The following TBX6 variants were observed in gnomAD, a reference collection of about 807,000 sequenced individuals.
The protein encoded by TBX6 is T-box transcription factor 6.
A neutral mutation model predicts 42.3 loss-of-function variants in TBX6; 29 were observed. The observed-to-expected ratio is 0.69, with a 90% CI of 0.51 to 0.93. TBX6 has a LOEUF of 0.93. Ranked by LOEUF, TBX6 falls within the 40% of genes least tolerant of loss-of-function variation. The pLI, the probability that TBX6 is intolerant of heterozygous loss-of-function variation, is 0.00. For synonymous variants in TBX6, 249 were observed against 245.1 expected, an observed-to-expected ratio of 1.02 and a Z score of -0.15; for missense variants, 569 against 603.3, an observed-to-expected ratio of 0.94 and a Z score of 0.59.
At chr16:30,089,802 T>C (rs547744651) in intron 3 of TBX6, among the ~76,000 whole-genome samples, 8 of 151,714 alleles carry the variant, frequency 5.3e-5, no homozygotes, top group Admixed American at 6.6e-5. Context: ...TGGTGGTGTG[T>C]GCCTATAGTC....
chr16:30,086,376 A>C lies in TBX6; in HGVS notation c.1160T>G (p.Leu387Arg). 1 of 1,575,968 alleles carries C rather than the reference A, an allele frequency of 6.3e-7. No individual in the cohort carries two copies. Among genetic ancestry groups the C allele is most frequent in the South Asian group, 1.2e-5 (1 of 85,716 alleles). Residue 387 changes from leucine (L) to arginine (R), a missense_variant, in exon 9 of 9, where the codon CTG becomes CGG. Physicochemically the swap from Leu to Arg is moderately radical, Grantham distance 102. Around this residue, in one of 3 missense-constraint regions of TBX6, gnomAD observed 245 missense variants for 227.4 expected, o/e 1.08. Coordinates refer to ENST00000395224, the MANE Select transcript of TBX6 (RefSeq NM_004608.4). This position sits in a 1 kb window ranked among gnomAD's most constrained non-coding sequence, Gnocchi z 4.6. ...GCCCCCTGACCCGTGCGGCAGCTCC[A>C]GAAATGCAGCCGAGTAGGGGGCTGA... ...GRSAPYSAAF[L>R]ELPHGSGGSG...
chr16:30,086,067 G>C lies in TBX6; in HGVS notation c.*158C>G. ...GGTTAGGCTTTGAAGCCAGAGGGGG[G>C]TGGGAGTGAAATCAAGGTGTGAAGT... On this transcript the variant is annotated 3_prime_UTR_variant, in exon 9 of 9. Transcript: ENST00000395224. The surrounding 1 kb of genome is among the most constrained non-coding windows in gnomAD (Gnocchi z 4.6). The C allele has an allele frequency of 7.4e-6, 5 of 679,414 alleles. No individual in the cohort carries two copies. Among genetic ancestry groups the C allele is most frequent in the Non-Finnish European group, 1.2e-5 (5 of 411,688 alleles). The allele number at this position is 679,414 out of a possible 1,614,324, so 42.1% of individuals were successfully genotyped here.
chr16:30,089,870 C>T (rs147510745), intron 3 of TBX6, among the ~76,000 whole-genome samples: 1,370 of 135,586 alleles, frequency 0.01, 11 homozygotes, highest in Non-Finnish European at 0.016. Context: ...GCAGAGGTTG[C>T]GGTGAGCTGA....
chr16:30,088,856 G>A lies in TBX6; in HGVS notation c.622-17C>T, dbSNP rs1596852339. On this transcript the variant is annotated splice_polypyrimidine_tract_variant and intron_variant, in intron 4 of 8. Transcript: ENST00000395224. This position sits in a 1 kb window ranked among gnomAD's most constrained non-coding sequence, Gnocchi z 4.1. ...CAGGATCAGCTGGGAGGGAGGAAATGGGAGTGATTCCCTGCCCTGCGCCTC... is the reference window on the plus strand; with the variant it reads ...CAGGATCAGCTGGGAGGGAGGAAATAGGAGTGATTCCCTGCCCTGCGCCTC... 1.9e-6 allele frequency: 3 copies of A among 1,612,464 alleles called. No individual in the cohort carries two copies. The highest frequency in any genetic ancestry group is 1.7e-6 in the Non-Finnish European group (2 of 1,178,678).
chr16:30,091,473 C>A, intron 1 of TBX6: 1 of 361,790 alleles, frequency 2.8e-6, no homozygotes, highest in Non-Finnish European at 5.0e-6. Flanking sequence ...ATTAACTCCT[C>A]GGCTTGATTG....
chr16:30,090,376 C>T (rs1596854634), intron 3 of TBX6, among the ~76,000 whole-genome samples: 1 of 152,220 alleles, frequency 6.6e-6, no homozygotes, highest in Non-Finnish European at 1.5e-5. Context: ...CATACTGATC[C>T]CGAATCCTGG....
In TBX6 at chr16:30,086,236, G is replaced by T. The variant is rs1200121314; in HGVS notation, c.1300C>A (p.Pro434Thr). 1 of 1,611,830 alleles carries T rather than the reference G, an allele frequency of 6.2e-7. No individual in the cohort carries two copies. The highest frequency in any genetic ancestry group is 8.5e-7 in the Non-Finnish European group (1 of 1,179,670). ...GGCCCAGCAGTGGTTCAGTACATGG[G>T]TTTGGAGCCCACATCCAGATAGCCC... ...PGGYLDVGSK[P>T]MY is the part of the protein sequence containing the mutation. The change falls in exon 9 of 9, where the codon CCC becomes ACC. Residue 434 changes from proline to threonine, a missense_variant. Pro to Thr is a conservative substitution (Grantham distance 38). Coordinates refer to ENST00000395224, the MANE Select transcript of TBX6 (RefSeq NM_004608.4). This position sits in a 1 kb window ranked among gnomAD's most constrained non-coding sequence, Gnocchi z 4.6.
chr16:30,088,452 T>C lies in TBX6; in HGVS notation c.839+93A>G. The C allele has an allele frequency of 3.9e-6, 6 of 1,544,870 alleles. No individual in the cohort carries two copies. The highest frequency in any genetic ancestry group is 5.4e-6 in the Non-Finnish European group (6 of 1,118,994). ...GTGAATGAATGTTTTCACTTACCAC[T>C]GCATTTCTGATGTCCAGCACGGTGC... On this transcript the variant is annotated intron_variant, in intron 6 of 8. Coordinates refer to ENST00000395224, the MANE Select transcript of TBX6 (RefSeq NM_004608.4). The surrounding 1 kb of genome is among the most constrained non-coding windows in gnomAD (Gnocchi z 4.1).
chr16:30,087,035 C>A (rs1567340530), intron 6 of TBX6, among the ~76,000 whole-genome samples, 184 bp from the exon 7 acceptor site: 1 of 152,108 alleles, frequency 6.6e-6, no homozygotes, highest in Non-Finnish European at 1.5e-5. Flanking sequence ...AGTGGCAGAG[C>A]TGGAATTTTG....
In TBX6 at chr16:30,086,105, T is replaced by TGGGC; in HGVS notation, c.*116_*119dup. The TGGGC allele has an allele frequency of 2.5e-6, 2 of 788,966 alleles. No homozygotes were observed. Among genetic ancestry groups the TGGGC allele is most frequent in the African/African-American group, 5.2e-5 (1 of 19,126 alleles). The allele number at this position is 788,966 out of a possible 1,614,324, so 48.9% of individuals were successfully genotyped here. On this transcript the variant is annotated 3_prime_UTR_variant, in exon 9 of 9. Transcript: ENST00000395224. The surrounding 1 kb of genome is among the most constrained non-coding windows in gnomAD (Gnocchi z 4.6). ...CAAGGTGTGAAGTTGAGGGGGTGGGTGGGCAGGCCCAAGGCGGCCATTTGG... is the reference window on the plus strand; with the variant it reads ...CAAGGTGTGAAGTTGAGGGGGTGGGTGGGCGGGCAGGCCCAAGGCGGCCATTTGG...
In TBX6 at chr16:30,086,214, C is replaced by A; in HGVS notation, c.*11G>T. ...AGGTTTGTGATGGAGGCAGAGGGGC[C>A]CAGCAGTGGTTCAGTACATGGGTTT... On this transcript the variant is annotated 3_prime_UTR_variant, in exon 9 of 9. Transcript: ENST00000395224. This position sits in a 1 kb window ranked among gnomAD's most constrained non-coding sequence, Gnocchi z 4.6. The A allele has an allele frequency of 6.2e-7, 1 of 1,610,024 alleles. No individual in the cohort carries two copies. The highest frequency in any genetic ancestry group is 8.5e-7 in the Non-Finnish European group (1 of 1,179,008).
At position 30,090,830 on chromosome 16, in the gene TBX6, C is replaced by T. The variant is rs1306330553; in HGVS notation, c.281G>A (p.Ser94Asn). The T allele has an allele frequency of 6.2e-7, 1 of 1,604,282 alleles. No homozygotes were observed. Among genetic ancestry groups the T allele is most frequent in the Admixed American group, 1.7e-5 (1 of 58,800 alleles). Residue 94 changes from serine (S) to asparagine (N), a missense_variant, in exon 3 of 9, where the codon AGC (serine) becomes AAC (asparagine). Around this residue, in one of 3 missense-constraint regions of TBX6, gnomAD observed 134 missense variants for 125.3 expected, o/e 1.07. Transcript: ENST00000395224. ...CTTCCATAGCTCCCGGTTCTCCAGG[C>T]TCAGGCTGACCCCCGGGAGGGAATG... ...ALHSLPGVSL[S>N]LENRELWKEF...
intron 3 of TBX6, 89 bp downstream of exon 3, chr16:30,090,669 G>C (rs752198930): frequency 3.0e-6 from 4 of 1,353,268 alleles, no homozygotes; most frequent in Non-Finnish European, 4.0e-6. Context: ...TAGCCCCTCG[G>C]GAACCACCCA....
chr16:30,086,781 C>A lies in TBX6; in HGVS notation c.910G>T (p.Gly304Ter). 6.2e-7 allele frequency: 1 copy of A among 1,613,994 alleles called. No homozygotes were observed. The highest frequency in any genetic ancestry group is 8.5e-7 in the Non-Finnish European group (1 of 1,179,964). Residue 304 changes from glycine to a stop codon, truncating the protein, a stop_gained, in exon 7 of 9, where the codon GGA becomes TGA. Transcript: ENST00000395224. LOFTEE classifies it high-confidence loss of function. This position sits in a 1 kb window ranked among gnomAD's most constrained non-coding sequence, Gnocchi z 4.6. ...EPAATEAYGS[G>*]DTPGGPCDST... ...TCGCCATCGGGACTACACTCACCTC[C>A]GCTCCCATAGGCCTCTGTGGCTGCT... is the stretch of plus-strand genomic sequence containing the variant.
chr16:30,088,464 G>A lies in TBX6; in HGVS notation c.839+81C>T, dbSNP rs778686111. On this transcript the variant is annotated intron_variant, in intron 6 of 8. Transcript: ENST00000395224. This position sits in a 1 kb window ranked among gnomAD's most constrained non-coding sequence, Gnocchi z 4.1. Reference sequence around the variant, plus strand: ...TTTCACTTACCACTGCATTTCTGATGTCCAGCACGGTGCCTGGCACACAGT... The same window carrying A: ...TTTCACTTACCACTGCATTTCTGATATCCAGCACGGTGCCTGGCACACAGT... The A allele has an allele frequency of 6.3e-7, 1 of 1,581,952 alleles. No individual in the cohort carries two copies. The highest frequency in any genetic ancestry group is 1.3e-5 in the African/African-American group (1 of 74,226).
chr16:30,088,398 C>T lies in TBX6; in HGVS notation c.839+147G>A. The T allele has an allele frequency of 8.9e-7, 1 of 1,121,634 alleles. No individual in the cohort carries two copies. Among genetic ancestry groups the T allele is most frequent in the South Asian group, 1.3e-5 (1 of 74,474 alleles). The allele number at this position is 1,121,634 out of a possible 1,614,324, so 69.5% of individuals were successfully genotyped here. On this transcript the variant is annotated intron_variant, in intron 6 of 8. Transcript: ENST00000395224. The surrounding 1 kb of genome is among the most constrained non-coding windows in gnomAD (Gnocchi z 4.1). ...GCCTGGAACTGTCCCTGGCACATAG[C>T]AGGTACTATATAAGTATTTGCTGAG... is the stretch of plus-strand genomic sequence containing the variant.
chr16:30,090,958 G>A lies in TBX6; in HGVS notation c.153C>T (p.Ser51=), dbSNP rs1314548242. ...LDTPKLDCFL[S]GMEAAPRTLA... The stretch of plus-strand genomic sequence containing the variant: ...GGGTGCGGGGAGCAGCCTCCATCCC[G>A]GAGAGGAAGCAATCCAGTTTAGGGG... The change falls in exon 3 of 9, where the codon TCC becomes TCT. Residue 51 remains serine, a synonymous_variant. Transcript: ENST00000395224. 1.2e-6 allele frequency: 2 copies of A among 1,613,362 alleles called. No homozygotes were observed. The highest frequency in any genetic ancestry group is 4.5e-5 in the East Asian group (2 of 44,882).
chr16:30,091,638 C>T (rs762087293), intron 1 of TBX6: 47 of 165,456 alleles, frequency 2.8e-4, no homozygotes, highest in Non-Finnish European at 5.3e-4. Flanking sequence ...CGCCCCAGAC[C>T]TTCTGGCAGG....
At position 30,088,352 on chromosome 16, in the gene TBX6, T is replaced by G. The variant is rs1432455250; in HGVS notation, c.839+193A>C. 2 of 773,058 alleles carry G rather than the reference T, an allele frequency of 2.6e-6. No individual in the cohort carries two copies. Among genetic ancestry groups the G allele is most frequent in the African/African-American group, 1.7e-5 (1 of 57,972 alleles). 47.9% of individuals were successfully genotyped at this position (773,058 alleles called of 1,614,324 possible). A position where few individuals can be genotyped will look rare whatever the true frequency, so the allele number is the denominator to read the frequency against. ...CATGAGGGCCGGGGCTTTGGTTTGCTTTGTTTGTTTTATCTCCAGTGCCTG... is the reference window on the plus strand; with the variant it reads ...CATGAGGGCCGGGGCTTTGGTTTGCGTTGTTTGTTTTATCTCCAGTGCCTG... On this transcript the variant is annotated intron_variant, in intron 6 of 8. Coordinates refer to ENST00000395224, the MANE Select transcript of TBX6 (RefSeq NM_004608.4). This position sits in a 1 kb window ranked among gnomAD's most constrained non-coding sequence, Gnocchi z 4.1.
Sources: allele counts gnomAD v4.1 joint callset (sites outside exome capture counted in the v4.1 genomes callset), GRCh38; gene constraint gnomAD v4.1.1; regional missense constraint gnomAD v4.1.1; non-coding constraint Gnocchi (gnomAD v3.1); transcripts MANE v1.5; gene names NCBI Gene and HGNC (gene_info 2026-07-23, HGNC 2026-07-21).